The following MYO1D variants were observed in gnomAD, a reference collection of about 807,000 sequenced individuals.
MYO1D encodes the protein myosin ID.
Under a neutral mutation model 122.0 loss-of-function variants are expected in MYO1D, and 83 were observed. That is an observed-to-expected ratio of 0.68 (90% CI 0.57 to 0.82). MYO1D has a LOEUF of 0.82. MYO1D is among the 40% of genes least tolerant of loss of function. The probability of loss-of-function intolerance (pLI) is 0.00; values close to 1 mark genes in which losing one functional copy is unlikely to be tolerated. For missense variants in MYO1D, 1,157 were observed against 1,269.5 expected, an observed-to-expected ratio of 0.91 and a Z score of 1.35; for synonymous variants, 464 against 446.9, an observed-to-expected ratio of 1.04 and a Z score of -0.48.
Position 32,523,146 on chromosome 17 carries a change from C to T in MYO1D, c.2865-28231G>A, listed in dbSNP as rs368586689. Among the ~76,000 whole-genome samples, 8 of 152,188 alleles carry T rather than the reference C, an allele frequency of 5.3e-5. No individual in the cohort carries two copies. The South Asian group carries it at 8.3e-4, about 16-fold the overall frequency. Reference sequence around the variant, plus strand: ...GCCTCTTAGACAGCAGTGCAACTAACGCCACTGCCTTTGCCTGCCTACCAC... The same window carrying T: ...GCCTCTTAGACAGCAGTGCAACTAATGCCACTGCCTTTGCCTGCCTACCAC... On this transcript the variant is annotated intron_variant, in intron 21 of 21. Coordinates refer to ENST00000318217, the MANE Select transcript of MYO1D (RefSeq NM_015194.3).
intron 17 of MYO1D, among the ~76,000 whole-genome samples, chr17:32,656,720 TA>T (rs1483974149): frequency 6.6e-6 from 1 of 152,160 alleles, no homozygotes; most frequent in African/African-American, 2.4e-5. Context: ...CAGAAGAGAC[TA>T]AAAGAGTGAC....
chr17:32,739,724 C>T (rs2089752113), intron 13 of MYO1D, among the ~76,000 whole-genome samples: 1 of 152,152 alleles, frequency 6.6e-6, no homozygotes, highest in African/African-American at 2.4e-5. Context: ...TAACATTTTA[C>T]CCACTTTTTT....
intron 19 of MYO1D, among the ~76,000 whole-genome samples, chr17:32,644,968 G>T (rs879253450): frequency 6.6e-6 from 1 of 152,154 alleles, no homozygotes; most frequent in African/African-American, 2.4e-5. Flanking sequence ...ATGTTAGCTG[G>T]TTATTTTGCT....
chr17:32,542,180 G>C (rs1910855231), intron 21 of MYO1D, among the ~76,000 whole-genome samples: 1 of 152,146 alleles, frequency 6.6e-6, no homozygotes, highest in Non-Finnish European at 1.5e-5. Flanking sequence ...CTTGCACAGT[G>C]AAAAAGAGTA....
Position 32,876,894 on chromosome 17 carries a change from G to A in MYO1D, c.-22C>T, listed in dbSNP as rs1382434020. ...CCATGGCGCCAGCGCGGGGGCTCAG[G>A]TGGGCGCGCTCGGGCCTCCGGGGCC... On this transcript the variant is annotated 5_prime_UTR_variant, in exon 1 of 22. Transcript: ENST00000318217. 11 of 1,448,324 alleles carry A rather than the reference G, an allele frequency of 7.6e-6. No individual in the cohort carries two copies. Among genetic ancestry groups the A allele is most frequent in the Admixed American group, 2.4e-5 (1 of 41,254 alleles). 89.7% of individuals were successfully genotyped at this position (1,448,324 alleles called of 1,614,324 possible).
chr17:32,641,258 C>T (rs1597962476), intron 19 of MYO1D, among the ~76,000 whole-genome samples: 1 of 147,606 alleles, frequency 6.8e-6, no homozygotes, highest in South Asian at 2.2e-4. Context: ...CTACAAAGGA[C>T]ATGAACTCAT....
intron 20 of MYO1D, among the ~76,000 whole-genome samples, chr17:32,612,682 C>CAAAAAA (rs1262090966): frequency 3.0e-4 from 7 of 23,494 alleles, no homozygotes; most frequent in African/African-American, 4.8e-4. Context: ...AGACCCATCT[C>CAAAAAA]AAAAAAAAAA....
At chr17:32,530,800 C>G (rs1013261135) in intron 21 of MYO1D, among the ~76,000 whole-genome samples, 1 of 151,938 alleles carries the variant, frequency 6.6e-6, no homozygotes, top group African/African-American at 2.4e-5. Flanking sequence ...GACCCTGTTG[C>G]TAAAAATAAT....
chr17:32,874,868 C>A lies in MYO1D; in HGVS notation c.95+1910G>T, dbSNP rs114276902. Among the ~76,000 whole-genome samples, 683 of 152,172 alleles carry A rather than the reference C, an allele frequency of 4.5e-3. 4 individuals are homozygous for A. The highest frequency in any genetic ancestry group is 0.015 in the African/African-American group (614 of 41,486). ...TCTATTTTGAGATTCAAACTTCACACTTAAGAGACTTAATGCTTTAAAAAA... is the reference window on the plus strand; with the variant it reads ...TCTATTTTGAGATTCAAACTTCACAATTAAGAGACTTAATGCTTTAAAAAA... On this transcript the variant is annotated intron_variant, in intron 1 of 21. Coordinates refer to ENST00000318217, the MANE Select transcript of MYO1D (RefSeq NM_015194.3).
At chr17:32,780,826 C>T (rs752067082) in intron 1 of MYO1D, 42 bp from the exon 2 acceptor site, 13 of 1,587,310 alleles carry the variant, frequency 8.2e-6, no homozygotes, top group African/African-American at 4.0e-5. Flanking sequence ...GCTGTGGTTA[C>T]AGAGAAATGA....
chr17:32,844,417 A>G (rs568719884), intron 1 of MYO1D, among the ~76,000 whole-genome samples: 455 of 147,184 alleles, frequency 3.1e-3, no homozygotes, highest in Non-Finnish European at 5.4e-3. Context: ...ATATGTGTAT[A>G]TATACTATAT....
In MYO1D at chr17:32,712,403, A is replaced by G. The variant is rs146798753; in HGVS notation, c.1914-208T>C. ...CAACTCTTACTAAACTAGGTATAGAAGGGACTTCCTCAAGCTCATACAGTC... is the reference window on the plus strand; with the variant it reads ...CAACTCTTACTAAACTAGGTATAGAGGGGACTTCCTCAAGCTCATACAGTC... On this transcript the variant is annotated intron_variant, in intron 15 of 21. Coordinates refer to ENST00000318217, the MANE Select transcript of MYO1D (RefSeq NM_015194.3). Among the ~76,000 whole-genome samples the G allele has an allele frequency of 2.6e-3, 397 of 152,320 alleles. 1 individual carries two copies. Among genetic ancestry groups the G allele is most frequent in the African/African-American group, 8.7e-3 (361 of 41,578 alleles).
chr17:32,806,015 T>G (rs897340635), intron 1 of MYO1D, among the ~76,000 whole-genome samples: 4 of 152,186 alleles, frequency 2.6e-5, no homozygotes, highest in Non-Finnish European at 4.4e-5. Context: ...TCCCAGCACT[T>G]TGGGAGGCCA....
chr17:32,836,413 G>A (rs929537184), intron 1 of MYO1D, among the ~76,000 whole-genome samples: 1 of 152,194 alleles, frequency 6.6e-6, no homozygotes, highest in Non-Finnish European at 1.5e-5. Flanking sequence ...AACCCCCTTA[G>A]AGATCAATAC....
At chr17:32,531,449 T>C (rs1305133394) in intron 21 of MYO1D, 1 of 152,214 alleles carries the variant, frequency 6.6e-6, no homozygotes. Flanking sequence ...GAGTTCCTTC[T>C]AGGACATTCA....
chr17:32,832,718 G>T (rs750980267), intron 1 of MYO1D, among the ~76,000 whole-genome samples: 1 of 152,100 alleles, frequency 6.6e-6, no homozygotes, highest in Non-Finnish European at 1.5e-5. Context: ...TTAAAATGGC[G>T]AATTTCACCA....
At chr17:32,641,941 T>C (rs2088206870) in intron 19 of MYO1D, among the ~76,000 whole-genome samples, 1 of 152,206 alleles carries the variant, frequency 6.6e-6, no homozygotes, top group Admixed American at 6.5e-5. Flanking sequence ...TTTAATTAGA[T>C]CCCATTTGTC....
At chr17:32,566,781 A>G (rs1366157235) in intron 21 of MYO1D, among the ~76,000 whole-genome samples, 1 of 105,224 alleles carries the variant, frequency 9.5e-6, no homozygotes, top group Non-Finnish European at 2.0e-5. Context: ...ACAAACTTCC[A>G]AAGCTTTAAA....
intron 21 of MYO1D, among the ~76,000 whole-genome samples, chr17:32,581,290 T>C (rs2087336219): frequency 1.3e-5 from 2 of 152,174 alleles, no homozygotes; most frequent in South Asian, 4.1e-4. Context: ...TGATGTCACA[T>C]TTTTCATGTT....
Sources: allele counts gnomAD v4.1 joint callset (sites outside exome capture counted in the v4.1 genomes callset), GRCh38; gene constraint gnomAD v4.1.1; transcripts MANE v1.5; gene names NCBI Gene and HGNC (gene_info 2026-07-23, HGNC 2026-07-21).